Variants in FBN2 observed in about 807,000 individuals in gnomAD.
The protein encoded by FBN2 is fibrillin-2.
FBN2 carries 105 observed loss-of-function variants against 355.6 expected under a neutral mutation model. The observed-to-expected ratio is 0.30, with a 90% CI of 0.25 to 0.35. The LOEUF (loss-of-function observed/expected upper bound fraction) is 0.35, where lower values mean the gene tolerates loss of function less well. Ranked by LOEUF, FBN2 falls within the 10% of genes least tolerant of loss-of-function variation. FBN2 has a pLI of 1.00. For missense variants in FBN2, 3,280 were observed against 3,758.7 expected (o/e 0.87, Z 3.33); for synonymous variants, 1,350 against 1,301.2 (o/e 1.04, Z -0.81).
At chr5:128,308,551 T>C (rs115434678) in intron 41 of FBN2, among the ~76,000 whole-genome samples, 3 of 152,166 alleles carry the variant, frequency 2.0e-5, no homozygotes, top group Admixed American at 2.0e-4. Context: ...ACTCTTAGTA[T>C]CTATAGTTAT....
chr5:128,479,958 CTCTCTCTCTCTCTCTCTCTATATATATA>C (rs1755113058), intron 5 of FBN2, among the ~76,000 whole-genome samples: 2 of 36,288 alleles, frequency 5.5e-5, no homozygotes, highest in Admixed American at 4.4e-4. Context: ...CTCTCTCTCT[CTCTCTCTCTCTCTCTCTCTATATATATA>C]TATATATATA....
chr5:128,301,257 T>C (rs1424141888), intron 47 of FBN2, 125 bp downstream of exon 47: 2 of 946,432 alleles, frequency 2.1e-6, no homozygotes, highest in Admixed American at 2.1e-5. Context: ...TCATAGCTTA[T>C]CTTGGTCATG....
At chr5:128,348,383 T>C (rs1751244350) in intron 23 of FBN2, among the ~76,000 whole-genome samples, 1 of 152,138 alleles carries the variant, frequency 6.6e-6, no homozygotes, top group South Asian at 2.1e-4. Flanking sequence ...GTACTTTGGA[T>C]ATTATGTTTT....
intron 15 of FBN2, among the ~76,000 whole-genome samples, chr5:128,373,006 T>A (rs1339033573): frequency 6.6e-6 from 1 of 152,208 alleles, no homozygotes; most frequent in Non-Finnish European, 1.5e-5. Flanking sequence ...TAGCATGTTA[T>A]AGAAACAGTA....
At chr5:128,462,540 T>C (rs534513237) in intron 6 of FBN2, among the ~76,000 whole-genome samples, 4 of 152,230 alleles carry the variant, frequency 2.6e-5, no homozygotes, top group Admixed American at 6.5e-5. Context: ...TTCCTGTTAC[T>C]GTGTTAATCC....
At position 128,509,295 on chromosome 5, in the gene FBN2, T is replaced by A. The variant is rs76105120; in HGVS notation, c.628+9978A>T. Reference sequence around the variant, plus strand: ...TTCTTAAGCCTTTTTTTCTTTGTGCTTTATTTCAAATAATTTCTGTTGCTA... The same window carrying A: ...TTCTTAAGCCTTTTTTTCTTTGTGCATTATTTCAAATAATTTCTGTTGCTA... On this transcript the variant is annotated intron_variant, in intron 5 of 64. Coordinates refer to ENST00000262464, the MANE Select transcript of FBN2 (RefSeq NM_001999.4). Among the ~76,000 whole-genome samples the A allele has an allele frequency of 3.7e-4, 56 of 152,292 alleles. No homozygotes were observed. The East Asian group carries it at 0.011, about 29-fold the overall frequency.
intron 5 of FBN2, among the ~76,000 whole-genome samples, chr5:128,472,902 C>A (rs1221753110): frequency 1.3e-5 from 2 of 151,944 alleles, no homozygotes; most frequent in Non-Finnish European, 2.9e-5. Flanking sequence ...CTTTTGAAAT[C>A]ATATTTAAAT....
At chr5:128,266,832 TTATTA>T (rs1765123970) in intron 62 of FBN2, among the ~76,000 whole-genome samples, 1 of 150,724 alleles carries the variant, frequency 6.6e-6, no homozygotes, top group African/African-American at 2.4e-5. Flanking sequence ...TTTTATATTA[TTATTA>T]TATTTATTTA....
intron 15 of FBN2, among the ~76,000 whole-genome samples, chr5:128,372,841 G>A (rs571083803): frequency 6.6e-6 from 1 of 152,182 alleles, no homozygotes; most frequent in African/African-American, 2.4e-5. Context: ...TGGCCAGACT[G>A]GTCTTGAACT....
chr5:128,353,360 C>T (rs886197980), intron 20 of FBN2, among the ~76,000 whole-genome samples: 2 of 152,138 alleles, frequency 1.3e-5, no homozygotes, highest in Admixed American at 1.3e-4. Flanking sequence ...AAACAATTCT[C>T]TCCTGTACTG....
At chr5:128,371,639 T>G (rs1193842902) in intron 15 of FBN2, among the ~76,000 whole-genome samples, 4 of 152,028 alleles carry the variant, frequency 2.6e-5, no homozygotes, top group Admixed American at 2.6e-4. Flanking sequence ...GTTCAAGTGA[T>G]TCTCCTGCCT....
chr5:128,333,687 T>G (rs1418525171), intron 31 of FBN2, among the ~76,000 whole-genome samples: 1 of 151,880 alleles, frequency 6.6e-6, no homozygotes, highest in African/African-American at 2.4e-5. Context: ...TGTGCGTGTG[T>G]GTGTGTGTGT....
chr5:128,292,503 C>A (rs1027917932), intron 48 of FBN2, among the ~76,000 whole-genome samples: 1 of 152,150 alleles, frequency 6.6e-6, no homozygotes, highest in African/African-American at 2.4e-5. Context: ...CGGTATCTGG[C>A]ACACACAAGT....
chr5:128,326,745 G>C (rs961523208), intron 34 of FBN2, among the ~76,000 whole-genome samples: 2 of 152,132 alleles, frequency 1.3e-5, no homozygotes, highest in Admixed American at 6.5e-5. Context: ...CAGCTGAATG[G>C]AGCAGAGGGT....
At chr5:128,531,430 G>C (rs1375167483) in intron 2 of FBN2, among the ~76,000 whole-genome samples, 1 of 151,962 alleles carries the variant, frequency 6.6e-6, no homozygotes. Context: ...GAGGAGGTGA[G>C]GGATAAAGGA....
intron 25 of FBN2, 79 bp from the exon 26 acceptor site, chr5:128,339,140 G>T: frequency 6.8e-7 from 1 of 1,467,388 alleles, no homozygotes; most frequent in Non-Finnish European, 9.5e-7. Context: ...CTGCATGCTT[G>T]AAAAGTTGGG....
intron 31 of FBN2, 60 bp downstream of exon 31, chr5:128,334,650 AATGATGTTG>A (rs1750787783): frequency 1.3e-6 from 2 of 1,551,228 alleles, no homozygotes; most frequent in Admixed American, 1.7e-5. Context: ...CCAGAGAACA[AATGATGTTG>A]AAAGTTGGCC....
At chr5:128,409,038 C>CT in intron 7 of FBN2, among the ~76,000 whole-genome samples, 1 of 152,078 alleles carries the variant, frequency 6.6e-6, no homozygotes, top group East Asian at 1.9e-4. Context: ...ACTCTATACC[C>CT]TTTTTTAAAA....
At chr5:128,351,082 T>C (rs187861179) in intron 20 of FBN2, 77 bp from the exon 21 acceptor site, 5 of 1,544,592 alleles carry the variant, frequency 3.2e-6, no homozygotes, top group Non-Finnish European at 3.6e-6. Context: ...CAAAAGGCAT[T>C]TGTTACAGTA....
Sources: gnomAD v4.1 joint callset for allele counts (sites outside exome capture counted in the v4.1 genomes callset) on GRCh38, gnomAD v4.1.1 for gene constraint, MANE v1.5 for transcripts, NCBI Gene and HGNC (gene_info 2026-07-23, HGNC 2026-07-21) for gene names.